The following UBQLN4 variants were observed in gnomAD, a reference collection of about 807,000 sequenced individuals.
UBQLN4 encodes ubiquilin 4.
A neutral mutation model predicts 60.4 loss-of-function variants in UBQLN4; 11 were observed. The observed-to-expected ratio is 0.18, with a 90% confidence interval of 0.11 to 0.30. The LOEUF is 0.30. Ranked by LOEUF, UBQLN4 falls within the 10% of genes least tolerant of loss-of-function variation. UBQLN4 has a pLI of 1.00. For missense variants in UBQLN4, 417 were observed against 795.5 expected (o/e 0.52, Z 5.72); for synonymous variants, 258 against 313.1 (o/e 0.82, Z 1.86).
At chr1:156,044,836 T>TC (rs926394979) in intron 5 of UBQLN4, among the ~76,000 whole-genome samples, 11 of 152,024 alleles carry the variant, frequency 7.2e-5, no homozygotes, top group Non-Finnish European at 1.5e-4. Flanking sequence ...AGAACACACC[T>TC]CCAGCAGAAT....
At position 156,050,213 on chromosome 1, in the gene UBQLN4, T is replaced by C. The variant is rs1048198438; in HGVS notation, c.741+78A>G. On this transcript the variant is annotated intron_variant, in intron 4 of 10. Coordinates refer to ENST00000368309, the MANE Select transcript of UBQLN4 (RefSeq NM_020131.5). The surrounding 1 kb of genome is among the most constrained non-coding windows in gnomAD (Gnocchi z 4.6). ...GAATACACGAATGAACAAATCAATGTAGGACAAAGTAGGAAAGGCTGGGCA... is the reference window on the plus strand; with the variant it reads ...GAATACACGAATGAACAAATCAATGCAGGACAAAGTAGGAAAGGCTGGGCA... 4 of 1,495,894 alleles carry C rather than the reference T, an allele frequency of 2.7e-6. No individual in the cohort carries two copies. In the African/African-American group the frequency reaches 4.2e-5, roughly 16 times the overall value. The allele number at this position is 1,495,894 out of a possible 1,614,324, so 92.7% of individuals were successfully genotyped here.
At chr1:156,051,400 C>T in intron 2 of UBQLN4, 73 bp from the exon 3 acceptor site, 1 of 1,510,372 alleles carries the variant, frequency 6.6e-7, no homozygotes, top group Non-Finnish European at 9.0e-7. Context: ...AATCTCTGTG[C>T]TTGCTATGGG....
Position 156,035,775 on chromosome 1 carries a change from C to T in UBQLN4, c.*1203G>A, listed in dbSNP as rs1208856384. The T allele has an allele frequency of 1.0e-6, 1 of 985,524 alleles. No homozygotes were observed. The highest frequency in any genetic ancestry group is 1.1e-4 in the East Asian group (1 of 8,942). 61.0% of individuals were successfully genotyped at this position (985,524 alleles called of 1,614,324 possible). On this transcript the variant is annotated 3_prime_UTR_variant, in exon 11 of 11. Transcript: ENST00000368309. ...ACCCAGCATCCAGAGCCCCAAGGGACCTAGCTCTCCCGGATATATATTCCT... is the reference window on the plus strand; with the variant it reads ...ACCCAGCATCCAGAGCCCCAAGGGATCTAGCTCTCCCGGATATATATTCCT...
At position 156,046,915 on chromosome 1, in the gene UBQLN4, C is replaced by T. The variant is rs151250531; in HGVS notation, c.900+1586G>A. Among the ~76,000 whole-genome samples the T allele has an allele frequency of 1.1e-4, 17 of 152,100 alleles. No individual in the cohort carries two copies. In the South Asian group the frequency reaches 2.9e-3, roughly 26 times the overall value. ...ATTTAAAAATATGATAATATATAGA[C>T]GTTTATAGACATATACATAGGTAAT... On this transcript the variant is annotated intron_variant, in intron 5 of 10. Transcript: ENST00000368309.
In UBQLN4 at chr1:156,051,766, A is replaced by G. The variant is rs1683878132; in HGVS notation, c.200T>C (p.Leu67Pro). The G allele has an allele frequency of 6.2e-7, 1 of 1,614,008 alleles. No individual in the cohort carries two copies. The highest frequency in any genetic ancestry group is 1.3e-5 in the African/African-American group (1 of 74,908). ...AGKILKDGDT[L>P]NQHGIKDGLT... Reference sequence around the variant, plus strand: ...CCCGTCCTTGATTCCGTGCTGGTTCAGTGTGTCCCCATCCTTGAGGATCTT... The same window carrying G: ...CCCGTCCTTGATTCCGTGCTGGTTCGGTGTGTCCCCATCCTTGAGGATCTT... The change falls in exon 2 of 11, where the codon CTG becomes CCG. Residue 67 changes from leucine to proline, a missense_variant. Coordinates refer to ENST00000368309, the MANE Select transcript of UBQLN4 (RefSeq NM_020131.5).
In UBQLN4 at chr1:156,042,135, T is replaced by C. The variant is rs202084538; in HGVS notation, c.1350+18A>G. 491 of 1,605,602 alleles carry C rather than the reference T, an allele frequency of 3.1e-4. 2 individuals are homozygous for C. Among genetic ancestry groups the C allele is most frequent in the South Asian group, 5.5e-4 (50 of 90,166 alleles). ...ACCCCTTGCCCTCAACCTCCACCCA[T>C]CTAGGCTCCTCACTCACCTGCTGCA... On this transcript the variant is annotated intron_variant, in intron 8 of 10. Transcript: ENST00000368309.
chr1:156,051,468 G>T, intron 2 of UBQLN4, 141 bp from the exon 3 acceptor site: 1 of 1,187,340 alleles, frequency 8.4e-7, no homozygotes, highest in Non-Finnish European at 1.2e-6. Context: ...GTGGGGTGAT[G>T]GCGGGAGGGC....
Position 156,036,057 on chromosome 1 carries a change from G to A in UBQLN4, c.*921C>T. 1 of 985,612 alleles carries A rather than the reference G, an allele frequency of 1.0e-6. No individual in the cohort carries two copies. Among genetic ancestry groups the A allele is most frequent in the Non-Finnish European group, 1.2e-6 (1 of 829,954 alleles). 61.1% of individuals were successfully genotyped at this position (985,612 alleles called of 1,614,324 possible). On this transcript the variant is annotated 3_prime_UTR_variant, in exon 11 of 11. Coordinates refer to ENST00000368309, the MANE Select transcript of UBQLN4 (RefSeq NM_020131.5). ...TGTGTGTGTGCATATAAGCACATAT[G>A]CTTGAGGAACTAAAGCCAATATGAC...
Position 156,037,705 on chromosome 1 carries a change from C to T in UBQLN4, c.1654-575G>A, listed in dbSNP as rs374929143. Among the ~76,000 whole-genome samples the T allele has an allele frequency of 1.1e-4, 17 of 152,230 alleles. No homozygotes were observed. In the East Asian group the frequency reaches 3.3e-3, roughly 29 times the overall value. On this transcript the variant is annotated intron_variant, in intron 10 of 10. Transcript: ENST00000368309. ...GATAGGCCTAGATCAGCATATATTCCTCATTACTTTCCATAAACACTGGAG... is the reference window on the plus strand; with the variant it reads ...GATAGGCCTAGATCAGCATATATTCTTCATTACTTTCCATAAACACTGGAG...
Position 156,036,274 on chromosome 1 carries a change from T to C in UBQLN4, c.*704A>G. 2 of 985,658 alleles carry C rather than the reference T, an allele frequency of 2.0e-6. No individual in the cohort carries two copies. The highest frequency in any genetic ancestry group is 9.4e-5 in the South Asian group (2 of 21,286). The allele number at this position is 985,658 out of a possible 1,614,324, so 61.1% of individuals were successfully genotyped here. On this transcript the variant is annotated 3_prime_UTR_variant, in exon 11 of 11. Coordinates refer to ENST00000368309, the MANE Select transcript of UBQLN4 (RefSeq NM_020131.5). The stretch of plus-strand genomic sequence containing the variant: ...CAGGCTGTCTCCCCCATTCCCTTCC[T>C]CCGAATAATCTCATTCCCTCCTCTT...
chr1:156,047,454 A>G (rs1683735382), intron 5 of UBQLN4, among the ~76,000 whole-genome samples: 1 of 151,228 alleles, frequency 6.6e-6, no homozygotes, highest in Non-Finnish European at 1.5e-5. Flanking sequence ...CATTTTAGCC[A>G]GGATGGTCTC....
downstream of UBQLN4, among the ~76,000 whole-genome samples, chr1:156,032,507 G>C (rs1202070575): frequency 1.8e-5 from 2 of 113,452 alleles, no homozygotes; most frequent in Admixed American, 1.9e-4. Flanking sequence ...GTGAAACTCC[G>C]TCTCAGAAAA....
rs1372123944 is a variant in UBQLN4 at position 156,053,538 on chromosome 1, C to G, written c.108+56G>C. ...ACGCCGGACCGTCAGAGAGGCCCCC[C>G]ATCTCTTCGCAGACCCCTCCTCCGC... On this transcript the variant is annotated intron_variant, in intron 1 of 10. Transcript: ENST00000368309. 3.4e-6 allele frequency: 4 copies of G among 1,173,290 alleles called. No homozygotes were observed. The East Asian group carries it at 1.4e-4, about 41-fold the overall frequency. 72.7% of individuals were successfully genotyped at this position (1,173,290 alleles called of 1,614,324 possible).
rs116895507 is a variant in UBQLN4 at position 156,051,415 on chromosome 1, C to T, written c.261-88G>A. ...AATCTCTGTGCTTGCTATGGGACAACTATTTTAACCCAAGACCCCTCCTGA... is the reference window on the plus strand; with the variant it reads ...AATCTCTGTGCTTGCTATGGGACAATTATTTTAACCCAAGACCCCTCCTGA... On this transcript the variant is annotated intron_variant, in intron 2 of 10. Transcript: ENST00000368309. 3.4e-4 allele frequency: 498 copies of T among 1,479,270 alleles called. 3 individuals are homozygous for T. The East Asian group carries it at 9.1e-3, about 27-fold the overall frequency. 91.6% of individuals were successfully genotyped at this position (1,479,270 alleles called of 1,614,324 possible). A position where few individuals can be genotyped will look rare whatever the true frequency, so the allele number is the denominator to read the frequency against.
At position 156,050,030 on chromosome 1, in the gene UBQLN4, C is replaced by G. The variant is rs976068723; in HGVS notation, c.741+261G>C. ...TTAGGGTAGGGTCAGGAGCTCTTCT[C>G]TATGCTCCTAGAGGATCCCATGATT... On this transcript the variant is annotated intron_variant, in intron 4 of 10. Coordinates refer to ENST00000368309, the MANE Select transcript of UBQLN4 (RefSeq NM_020131.5). The surrounding 1 kb of genome is among the most constrained non-coding windows in gnomAD (Gnocchi z 4.6). 6.6e-6 allele frequency among the ~76,000 whole-genome samples: 1 copy of G among 152,216 alleles called. No homozygotes were observed. Among genetic ancestry groups the G allele is most frequent in the African/African-American group, 2.4e-5 (1 of 41,454 alleles).
downstream of UBQLN4, among the ~76,000 whole-genome samples, chr1:156,032,078 G>C (rs1439531518): frequency 1.4e-5 from 2 of 146,044 alleles, no homozygotes; most frequent in Non-Finnish European, 3.0e-5. Flanking sequence ...TTTTTTTTTT[G>C]AGCTGGAGTC....
chr1:156,042,697 G>A, intron 7 of UBQLN4, 77 bp downstream of exon 7: 1 of 1,573,176 alleles, frequency 6.4e-7, no homozygotes, highest in Non-Finnish European at 8.6e-7. Context: ...GCTCCACAGT[G>A]TTTTGACCAC....
chr1:156,052,863 T>G (rs1237851876), intron 1 of UBQLN4, among the ~76,000 whole-genome samples: 1 of 152,186 alleles, frequency 6.6e-6, no homozygotes, highest in Non-Finnish European at 1.5e-5. Flanking sequence ...TCCCAAATTC[T>G]ACCAGCCCCT....
chr1:156,042,345 G>C (rs1456290183), intron 7 of UBQLN4, 109 bp from the exon 8 acceptor site: 4 of 1,448,442 alleles, frequency 2.8e-6, no homozygotes, highest in Non-Finnish European at 3.6e-6. Context: ...AATCTGGCCA[G>C]CTTCTCCGGG....
Sources: gnomAD v4.1 joint callset for allele counts (sites outside exome capture counted in the v4.1 genomes callset) on GRCh38, gnomAD v4.1.1 for gene constraint, Gnocchi (gnomAD v3.1) non-coding constraint, MANE v1.5 for transcripts, NCBI Gene and HGNC (gene_info 2026-07-23, HGNC 2026-07-21) for gene names.